ABR: variants seen among roughly 807,000 people sequenced by gnomAD.
ABR encodes the protein active breakpoint cluster region-related protein.
ABR carries 35 observed loss-of-function variants against 107.2 expected under a neutral mutation model. The observed-to-expected ratio is 0.33, with a 90% CI of 0.25 to 0.43. The LOEUF (loss-of-function observed/expected upper bound fraction) is 0.43, where lower values mean the gene tolerates loss of function less well. Ranked by LOEUF, ABR falls within the 20% of genes least tolerant of loss-of-function variation. The pLI is 1.00. For missense variants in ABR, 815 were observed against 1,115.2 expected (o/e 0.73, Z 3.83); for synonymous variants, 498 against 462.0 (o/e 1.08, Z -1.00).
At chr17:1,039,365 A>G (rs2029898526) in intron 16 of ABR, among the ~76,000 whole-genome samples, 1 of 152,186 alleles carries the variant, frequency 6.6e-6, no homozygotes, top group Admixed American at 6.5e-5. Context: ...AAAATCAGGA[A>G]CACCTGGGCG....
chr17:1,080,342 T>C (rs1294691589), intron 5 of ABR, among the ~76,000 whole-genome samples: 1 of 152,166 alleles, frequency 6.6e-6, no homozygotes, highest in African/African-American at 2.4e-5. Context: ...TAGTGAGTAC[T>C]GGAAAGACCC....
chr17:1,013,349 G>GTAC (rs2070810625), intron 16 of ABR, among the ~76,000 whole-genome samples, 185 bp from the exon 17 acceptor site: 1 of 149,754 alleles, frequency 6.7e-6, no homozygotes, highest in African/African-American at 2.5e-5. Context: ...GGCCCCTGTG[G>GTAC]CCGCCGTGGG....
At chr17:1,177,653 G>T (rs150601369) in intron 1 of ABR, among the ~76,000 whole-genome samples, 1 of 152,306 alleles carries the variant, frequency 6.6e-6, no homozygotes, top group Non-Finnish European at 1.5e-5. Flanking sequence ...GAAAGCTAGA[G>T]ACAGGGTTCC....
At chr17:1,138,249 C>T (rs2040161131) in intron 1 of ABR, among the ~76,000 whole-genome samples, 3 of 151,996 alleles carry the variant, frequency 2.0e-5, no homozygotes, top group South Asian at 2.1e-4. Context: ...CAAGAACAGG[C>T]GAAACAAATG....
intron 1 of ABR, among the ~76,000 whole-genome samples, chr17:1,146,309 T>G (rs566725506): frequency 2.0e-4 from 27 of 136,096 alleles, no homozygotes; most frequent in African/African-American, 7.2e-4. Flanking sequence ...CACATCCTTG[T>G]GGCCCCACCA....
At chr17:1,153,577 C>CG (rs561887292) in intron 1 of ABR, among the ~76,000 whole-genome samples, 3 of 102,552 alleles carry the variant, frequency 2.9e-5, no homozygotes, top group African/African-American at 9.6e-5. Context: ...GGCACACCTG[C>CG]GGGAGGGCTG....
intron 1 of ABR, among the ~76,000 whole-genome samples, chr17:1,201,816 A>G (rs934258341): frequency 6.6e-6 from 1 of 152,038 alleles, no homozygotes; most frequent in African/African-American, 2.4e-5. Context: ...AGCTGGGACA[A>G]CAGGCGCCCA....
intron 5 of ABR, among the ~76,000 whole-genome samples, chr17:1,082,724 A>C (rs1364247509): frequency 6.6e-6 from 1 of 152,208 alleles, no homozygotes; most frequent in Non-Finnish European, 1.5e-5. Flanking sequence ...AGCTTGTTCA[A>C]ATATAGAATC....
chr17:1,096,700 G>C (rs2037453463), intron 3 of ABR, among the ~76,000 whole-genome samples: 1 of 150,850 alleles, frequency 6.6e-6, no homozygotes, highest in African/African-American at 2.4e-5. Context: ...CCCGCCCCGG[G>C]AGGAGAGAGC....
At chr17:1,224,041 G>A (rs760590833) in intron 1 of ABR, among the ~76,000 whole-genome samples, 8 of 152,198 alleles carry the variant, frequency 5.3e-5, no homozygotes, top group Non-Finnish European at 1.0e-4. Flanking sequence ...ACAGGAGCTG[G>A]CAAAAGTAAG....
At chr17:1,033,953 T>C (rs112641625) in intron 16 of ABR, among the ~76,000 whole-genome samples, 10,957 of 149,618 alleles carry the variant, frequency 0.073, 538 homozygotes, top group Middle Eastern at 0.12. Context: ...CCCCACTGCT[T>C]GGTCCCACTC....
At chr17:1,120,949 T>C (rs1401445200) in intron 2 of ABR, among the ~76,000 whole-genome samples, 1 of 152,064 alleles carries the variant, frequency 6.6e-6, no homozygotes, top group Non-Finnish European at 1.5e-5. Flanking sequence ...GGAGGCGGGT[T>C]TTCTGTAAGA....
At chr17:1,043,694 T>C (rs2031054177) in intron 16 of ABR, among the ~76,000 whole-genome samples, 1 of 152,154 alleles carries the variant, frequency 6.6e-6, no homozygotes, top group African/African-American at 2.4e-5. Context: ...TTAAAAAGAA[T>C]AAAGGCCGGA....
At chr17:1,031,957 TG>T in intron 16 of ABR, 3 of 852,818 alleles carry the variant, frequency 3.5e-6, no homozygotes, top group South Asian at 1.1e-4. Context: ...TCCGCGAGGC[TG>T]CAGCCCAGGC....
chr17:1,184,667 CT>C (rs35617329), upstream of ABR, among the ~76,000 whole-genome samples: 61 of 145,682 alleles, frequency 4.2e-4, no homozygotes, highest in African/African-American at 8.6e-4. Flanking sequence ...TTATTGAGTG[CT>C]TTTTTTTTTT....
intron 1 of ABR, among the ~76,000 whole-genome samples, chr17:1,220,995 C>T (rs1370260063): frequency 6.6e-6 from 1 of 152,098 alleles, no homozygotes; most frequent in Admixed American, 6.6e-5. Flanking sequence ...GGCCGTGGCT[C>T]CGTTGTTATT....
Position 1,162,812 on chromosome 17 carries a change from A to C in ABR, c.61+16855T>G, listed in dbSNP as rs1302696440. Among the ~76,000 whole-genome samples the C allele has an allele frequency of 2.0e-5, 3 of 152,196 alleles. No individual in the cohort carries two copies. In the East Asian group the frequency reaches 5.8e-4, roughly 29 times the overall value. ...GGCTAGGCCAAGCACAGTGGCTCAC[A>C]CCTGTCATCCCAGCACTTTGGGAGG... On this transcript the variant is annotated intron_variant, in intron 1 of 22. Transcript: ENST00000302538.
chr17:1,132,857 T>A (rs1173366244), intron 1 of ABR, among the ~76,000 whole-genome samples: 1 of 152,226 alleles, frequency 6.6e-6, no homozygotes, highest in East Asian at 1.9e-4. Context: ...ACTGTTCGTG[T>A]CAAATTGGCA....
At chr17:1,012,986 C>T (rs913091518) in intron 17 of ABR, 119 bp downstream of exon 17, 11 of 1,277,438 alleles carry the variant, frequency 8.6e-6, no homozygotes, top group Admixed American at 5.4e-5. Context: ...GGCTGGGCTG[C>T]GGGGAGGTCG....
Sources: allele counts gnomAD v4.1 joint callset (sites outside exome capture counted in the v4.1 genomes callset), GRCh38; gene constraint gnomAD v4.1.1; transcripts MANE v1.5; gene names NCBI Gene and HGNC (gene_info 2026-07-23, HGNC 2026-07-21).